The following MYO5B variants were observed in gnomAD, a reference collection of about 807,000 sequenced individuals.
MYO5B encodes the protein myosin VB.
A neutral mutation model predicts 229.3 loss-of-function variants in MYO5B; 143 were observed. That is an observed-to-expected ratio of 0.62 (90% CI 0.54 to 0.72). The LOEUF (loss-of-function observed/expected upper bound fraction) is 0.72. Ranked by LOEUF, MYO5B falls within the 30% of genes least tolerant of loss-of-function variation. The probability of loss-of-function intolerance (pLI) is 0.00; values close to 1 mark genes in which losing one functional copy is unlikely to be tolerated. For synonymous variants in MYO5B, 918 were observed against 885.2 expected, an observed-to-expected ratio of 1.04 and a Z score of -0.66; for missense variants, 2,321 against 2,331.0, an observed-to-expected ratio of 1.00 and a Z score of 0.09.
At chr18:50,066,006 G>T (rs1339624832) in intron 1 of MYO5B, among the ~76,000 whole-genome samples, 1 of 152,084 alleles carries the variant, frequency 6.6e-6, no homozygotes, top group African/African-American at 2.4e-5. Context: ...AATGACACTG[G>T]CAAGAGATGC....
intron 12 of MYO5B, 59 bp downstream of exon 12, chr18:49,962,207 G>T: frequency 6.2e-7 from 1 of 1,606,020 alleles, no homozygotes. Context: ...GATCTTATGT[G>T]ATTTCCTTGT....
chr18:49,871,401 T>C (rs1212119845), intron 27 of MYO5B, among the ~76,000 whole-genome samples: 1 of 152,198 alleles, frequency 6.6e-6, no homozygotes, highest in Non-Finnish European at 1.5e-5. Context: ...CATTGAACTA[T>C]ACACTTAAAA....
intron 33 of MYO5B, among the ~76,000 whole-genome samples, 170 bp from the exon 34 acceptor site, chr18:49,843,562 G>A (rs1175300600): frequency 1.3e-5 from 2 of 152,192 alleles, no homozygotes; most frequent in African/African-American, 4.8e-5. Context: ...CCAAACTCCC[G>A]AGCATGCCTA....
chr18:49,822,988 G>C lies in MYO5B; in HGVS notation c.*3483C>G, dbSNP rs969042743. 1 of 151,816 alleles carries C rather than the reference G, an allele frequency of 6.6e-6. No homozygotes were observed. Among genetic ancestry groups the C allele is most frequent in the Non-Finnish European group, 1.5e-5 (1 of 67,974 alleles). The allele number at this position is 151,816 out of a possible 1,614,324, so 9.4% of individuals were successfully genotyped here. A position where few individuals can be genotyped will look rare whatever the true frequency, so the allele number is the denominator to read the frequency against. On this transcript the variant is annotated 3_prime_UTR_variant, in exon 40 of 40. Coordinates refer to ENST00000285039, the MANE Select transcript of MYO5B (RefSeq NM_001080467.3). ...TTGGATTCACCCCTGAATATGATCT[G>C]AACTCTTTCAGAGAGGCAGTCCTTC...
chr18:49,884,414 T>C (rs1040151862), intron 22 of MYO5B, among the ~76,000 whole-genome samples: 1 of 151,996 alleles, frequency 6.6e-6, no homozygotes, highest in African/African-American at 2.4e-5. Flanking sequence ...CAACTCACCA[T>C]AATGTAGAAT....
intron 14 of MYO5B, among the ~76,000 whole-genome samples, chr18:49,952,331 T>C (rs1235069483): frequency 6.6e-6 from 1 of 152,084 alleles, no homozygotes; most frequent in Non-Finnish European, 1.5e-5. Flanking sequence ...TCCTAAATCC[T>C]GGGAATTTCC....
chr18:50,055,533 T>C (rs921930647), intron 1 of MYO5B, among the ~76,000 whole-genome samples, 155 bp from the exon 2 acceptor site: 85 of 152,190 alleles, frequency 5.6e-4, no homozygotes, highest in African/African-American at 2.0e-3. Context: ...CGTGATCCGA[T>C]ATCATGATAA....
intron 17 of MYO5B, among the ~76,000 whole-genome samples, chr18:49,919,851 A>G (rs561054939): frequency 4.0e-4 from 61 of 152,250 alleles, no homozygotes; most frequent in Non-Finnish European, 7.1e-4. Flanking sequence ...TGTCTACACA[A>G]AAACATGTAC....
Position 49,935,869 on chromosome 18 carries a change from C to G in MYO5B, c.2003+383G>C, listed in dbSNP as rs557697803. Among the ~76,000 whole-genome samples the G allele has an allele frequency of 3.3e-5, 5 of 152,364 alleles. No individual in the cohort carries two copies. The East Asian group carries it at 9.6e-4, about 29-fold the overall frequency. On this transcript the variant is annotated intron_variant, in intron 16 of 39. Transcript: ENST00000285039. ...CATGTTCATGTCCTATCGTCCAACA[C>G]ATCATGTGAGGTCTTGATTCTTCAA...
intron 39 of MYO5B, among the ~76,000 whole-genome samples, chr18:49,830,772 G>A (rs2144020306): frequency 6.9e-6 from 1 of 145,182 alleles, no homozygotes; most frequent in South Asian, 2.2e-4. Flanking sequence ...GGCGGAGGTT[G>A]CAGTGAGCCA....
chr18:50,069,172 A>T (rs892235837), intron 1 of MYO5B, among the ~76,000 whole-genome samples: 2 of 149,156 alleles, frequency 1.3e-5, no homozygotes, highest in African/African-American at 5.0e-5. Context: ...TTCCCCGGTT[A>T]AAAAAAAAAT....
At chr18:49,993,681 C>T (rs2025956278) in intron 5 of MYO5B, among the ~76,000 whole-genome samples, 1 of 152,122 alleles carries the variant, frequency 6.6e-6, no homozygotes, top group African/African-American at 2.4e-5. Context: ...TTCTATCCTA[C>T]TGCCATAGCC....
chr18:50,080,245 G>C (rs1055776099), intron 1 of MYO5B, among the ~76,000 whole-genome samples: 4 of 152,176 alleles, frequency 2.6e-5, no homozygotes, highest in Admixed American at 2.6e-4. Context: ...ACAGCAACTT[G>C]GTATTAGTGA....
At chr18:49,897,352 C>T (rs2024790387) in intron 21 of MYO5B, among the ~76,000 whole-genome samples, 5 of 152,096 alleles carry the variant, frequency 3.3e-5, no homozygotes, top group Admixed American at 2.0e-4. Flanking sequence ...AGGTGGAAGG[C>T]AGTGATACTG....
At chr18:49,928,817 G>A (rs1160154958) in intron 17 of MYO5B, among the ~76,000 whole-genome samples, 2 of 152,168 alleles carry the variant, frequency 1.3e-5, no homozygotes, top group African/African-American at 4.8e-5. Context: ...GGCATTCACA[G>A]CAACCTGGAT....
intron 2 of MYO5B, among the ~76,000 whole-genome samples, chr18:50,045,596 G>T (rs138304995): frequency 0.012 from 1,814 of 152,256 alleles, 30 homozygotes; most frequent in African/African-American, 0.042. Flanking sequence ...GTTTCACCAT[G>T]TTGCCCAGGC....
At chr18:49,839,333 C>A in intron 35 of MYO5B, 39 bp from the exon 36 acceptor site, 1 of 1,607,926 alleles carries the variant, frequency 6.2e-7, no homozygotes, top group South Asian at 1.1e-5. Context: ...GTTCTCTGGT[C>A]TGCTGGGCCC....
At chr18:50,000,174 A>G (rs1055698600) in intron 5 of MYO5B, among the ~76,000 whole-genome samples, 4 of 152,200 alleles carry the variant, frequency 2.6e-5, no homozygotes, top group Admixed American at 2.6e-4. Flanking sequence ...GACTGGGGAA[A>G]GTCCAGGCAG....
chr18:49,916,595 A>C (rs2025016844), intron 17 of MYO5B, among the ~76,000 whole-genome samples: 1 of 152,144 alleles, frequency 6.6e-6, no homozygotes, highest in African/African-American at 2.4e-5. Flanking sequence ...CAGCTGTACC[A>C]CAGACAGGGT....
Sources: gnomAD v4.1 joint callset for allele counts (sites outside exome capture counted in the v4.1 genomes callset) on GRCh38, gnomAD v4.1.1 for gene constraint, MANE v1.5 for transcripts, NCBI Gene and HGNC (gene_info 2026-07-23, HGNC 2026-07-21) for gene names.